The following UTP20 variants were observed in gnomAD, a reference collection of about 807,000 sequenced individuals.
UTP20 encodes small subunit processome component 20 homolog.
A neutral mutation model predicts 329.5 loss-of-function variants in UTP20; 164 were observed. The observed-to-expected ratio is 0.50, with a 90% CI of 0.44 to 0.57. The LOEUF (loss-of-function observed/expected upper bound fraction) is 0.57, where lower values mean the gene tolerates loss of function less well. Ranked by LOEUF, UTP20 falls within the 20% of genes least tolerant of loss-of-function variation. UTP20 has a pLI of 0.00. For synonymous variants in UTP20, 1,151 were observed against 1,159.3 expected (o/e 0.99, Z 0.14); for missense variants, 3,055 against 3,284.2 (o/e 0.93, Z 1.71).
Position 101,384,079 on chromosome 12 carries a change from C to G in UTP20, c.8056+410C>G, listed in dbSNP as rs548044132. Reference sequence around the variant, plus strand: ...CATATTTGTATTATATTTGATTGCCCTCTTCTGTATGCTTTCTGCTGTCCC... The same window carrying G: ...CATATTTGTATTATATTTGATTGCCGTCTTCTGTATGCTTTCTGCTGTCCC... On this transcript the variant is annotated intron_variant, in intron 60 of 61. Coordinates refer to ENST00000261637, the MANE Select transcript of UTP20 (RefSeq NM_014503.3). Among the ~76,000 whole-genome samples the G allele has an allele frequency of 1.2e-4, 19 of 152,148 alleles. No homozygotes were observed. The South Asian group carries it at 3.9e-3, about 32-fold the overall frequency.
chr12:101,340,494 C>A, intron 31 of UTP20, 29 bp from the exon 32 acceptor site: 2 of 1,369,374 alleles, frequency 1.5e-6, no homozygotes, highest in Non-Finnish European at 2.1e-6. Flanking sequence ...TGTATATGTT[C>A]CTTATATATC....
At chr12:101,307,688 C>A (rs770711152) in intron 17 of UTP20, among the ~76,000 whole-genome samples, 1 of 152,140 alleles carries the variant, frequency 6.6e-6, no homozygotes, top group Non-Finnish European at 1.5e-5. Context: ...ATATCTATCT[C>A]ATTCCTTTTG....
intron 29 of UTP20, among the ~76,000 whole-genome samples, chr12:101,335,118 C>G (rs2137271970): frequency 1.3e-5 from 2 of 152,226 alleles, no homozygotes; most frequent in African/African-American, 4.8e-5. Flanking sequence ...GGCCATAGCA[C>G]GTGGAGGTTT....
chr12:101,332,592 G>A (rs918899372), intron 27 of UTP20, among the ~76,000 whole-genome samples: 5 of 152,238 alleles, frequency 3.3e-5, no homozygotes, highest in Middle Eastern at 3.4e-3. Flanking sequence ...TATTTTAAAG[G>A]TTTGCTTTTA....
chr12:101,375,044 AT>A, intron 55 of UTP20, 105 bp downstream of exon 55: 6 of 726,782 alleles, frequency 8.3e-6, no homozygotes, highest in Non-Finnish European at 1.3e-5. Flanking sequence ...ATTTATATTT[AT>A]AGCTATAGCT....
At position 101,371,962 on chromosome 12, in the gene UTP20, G is replaced by T. The variant is rs533338818; in HGVS notation, c.6798+794G>T. Among the ~76,000 whole-genome samples the T allele has an allele frequency of 9.6e-3, 1,459 of 152,288 alleles. 10 individuals are homozygous for T. The highest frequency in any genetic ancestry group is 0.015 in the Non-Finnish European group (1,011 of 68,022). On this transcript the variant is annotated intron_variant, in intron 51 of 61. Coordinates refer to ENST00000261637, the MANE Select transcript of UTP20 (RefSeq NM_014503.3). ...CATACTGTGCCCAAAGAGGTGGAAA[G>T]GTCTAAGTTGGAAATAGGAACTCAG...
At chr12:101,360,784 G>A (rs937374417) in intron 43 of UTP20, among the ~76,000 whole-genome samples, 4 of 152,086 alleles carry the variant, frequency 2.6e-5, no homozygotes, top group Admixed American at 1.3e-4. Context: ...AGCTGAGATC[G>A]CACCACTGCA....
chr12:101,327,118 A>G lies in UTP20; in HGVS notation c.3079A>G (p.Lys1027Glu), dbSNP rs1199092478. 1.9e-6 allele frequency: 3 copies of G among 1,612,070 alleles called. No individual in the cohort carries two copies. Among genetic ancestry groups the G allele is most frequent in the African/African-American group, 2.7e-5 (2 of 74,908 alleles). ...YGRMKNKTGS[K>E]TQGKSASGTR... ...GCGAATGAAGAATAAGACTGGGAGT[A>G]AAACTCAGGGGAAATCTGCTTCAGG... Residue 1027 changes from lysine (K) to glutamate (E), a missense_variant, in exon 26 of 62, where the codon AAA becomes GAA. This residue lies in a region of UTP20 where 2,445 missense variants were observed against 2,575.5 expected (regional missense o/e 0.95). Transcript: ENST00000261637.
rs751800098 is a variant in UTP20 at position 101,329,487 on chromosome 12, G to T, written c.3417+38G>T. The T allele has an allele frequency of 5.1e-6, 8 of 1,570,058 alleles. No individual in the cohort carries two copies. The Admixed American group carries it at 1.4e-4, about 27-fold the overall frequency. ...ATAGATGCTTTCAAGTCAAGTGCTT[G>T]AACTGATATTTCTTGGATTTTAATT... On this transcript the variant is annotated intron_variant, in intron 27 of 61. Coordinates refer to ENST00000261637, the MANE Select transcript of UTP20 (RefSeq NM_014503.3).
Position 101,386,396 on chromosome 12 carries a change from TG to T in UTP20, c.*274del, listed in dbSNP as rs1239447338. 3 of 256,330 alleles carry T rather than the reference TG, an allele frequency of 1.2e-5. No individual in the cohort carries two copies. The highest frequency in any genetic ancestry group is 1.5e-5 in the Non-Finnish European group (2 of 136,708). The allele number at this position is 256,330 out of a possible 1,614,324, so 15.9% of individuals were successfully genotyped here. On this transcript the variant is annotated 3_prime_UTR_variant, in exon 62 of 62. Transcript: ENST00000261637. Reference sequence around the variant, plus strand: ...CAAATTTTTTGTATTTTGTATTTTTTGTAGAAACAGGATTTCGCCATGTTGG... The same window carrying T: ...CAAATTTTTTGTATTTTGTATTTTTTTAGAAACAGGATTTCGCCATGTTGG...
Position 101,280,183 on chromosome 12 carries a change from A to G in UTP20, c.-100A>G, listed in dbSNP as rs1871745170. The G allele has an allele frequency of 7.0e-7, 1 of 1,434,142 alleles. No individual in the cohort carries two copies. Among genetic ancestry groups the G allele is most frequent in the Non-Finnish European group, 9.5e-7 (1 of 1,055,030 alleles). 88.8% of individuals were successfully genotyped at this position (1,434,142 alleles called of 1,614,324 possible). Reference sequence around the variant, plus strand: ...CGTGAGAAAGTCTGGGCATCTGGGAATCGGAGAGTATAGCCTGTGAGCCGC... The same window carrying G: ...CGTGAGAAAGTCTGGGCATCTGGGAGTCGGAGAGTATAGCCTGTGAGCCGC... On this transcript the variant is annotated 5_prime_UTR_variant, in exon 1 of 62. Coordinates refer to ENST00000261637, the MANE Select transcript of UTP20 (RefSeq NM_014503.3).
intron 44 of UTP20, 75 bp from the exon 45 acceptor site, chr12:101,363,500 CT>C: frequency 1.4e-6 from 2 of 1,385,712 alleles, no homozygotes; most frequent in Non-Finnish European, 1.9e-6. Context: ...ATACCAGGGC[CT>C]TTTTTCAGTG....
At position 101,366,598 on chromosome 12, in the gene UTP20, CAG is replaced by C; in HGVS notation, c.6169_6170del (p.Ser2057LeufsTer28). The C allele has an allele frequency of 6.2e-7, 1 of 1,614,152 alleles. No homozygotes were observed. Among genetic ancestry groups the C allele is most frequent in the Non-Finnish European group, 8.5e-7 (1 of 1,180,024 alleles). ...AGCACCAGATCCACGTCTACCACCC[CAG>C]AGCTGCCTTCTGCTTCCCCCAACTC... Reference protein sequence around the residue: ...APAPDPRLPPQSCLLLPPTPV... With the variant: ...APAPDPRLPPXSCLLLPPTPV... On this transcript the variant is annotated frameshift_variant, in exon 47 of 62. Transcript: ENST00000261637. LOFTEE classifies it high-confidence loss of function.
intron 10 of UTP20, among the ~76,000 whole-genome samples, chr12:101,292,906 CTT>C (rs1872212919): frequency 6.6e-6 from 1 of 152,190 alleles, no homozygotes; most frequent in African/African-American, 2.4e-5. Context: ...CAGTAGTACA[CTT>C]TGAGGGAAGA....
rs903331826 is a variant in UTP20 at position 101,329,527 on chromosome 12, G to A, written c.3417+78G>A. On this transcript the variant is annotated intron_variant, in intron 27 of 61. Coordinates refer to ENST00000261637, the MANE Select transcript of UTP20 (RefSeq NM_014503.3). ...GGATTTTAATTCCAAGAGCCTAGAA[G>A]TATAAGGTATCTTCCAACTCTCATT... 27 of 1,395,042 alleles carry A rather than the reference G, an allele frequency of 1.9e-5. 1 individual carries two copies. In the South Asian group the frequency reaches 3.2e-4, roughly 16 times the overall value. The allele number at this position is 1,395,042 out of a possible 1,614,324, so 86.4% of individuals were successfully genotyped here. A position where few individuals can be genotyped will look rare whatever the true frequency, so the allele number is the denominator to read the frequency against.
intron 15 of UTP20, among the ~76,000 whole-genome samples, chr12:101,304,049 G>A (rs1418667691): frequency 1.3e-5 from 2 of 152,214 alleles, no homozygotes; most frequent in African/African-American, 4.8e-5. Flanking sequence ...ACAGAATGGG[G>A]TCCATGTTCC....
Position 101,385,961 on chromosome 12 carries a change from T to C in UTP20, c.8203-7T>C. ...AAGTAATATAAAATTTCTATTCTCT[T>C]TTCCAGTTTGTAACTAATCCTGATA... is the stretch of plus-strand genomic sequence containing the variant. On this transcript the variant is annotated splice_polypyrimidine_tract_variant and splice_region_variant and intron_variant, in intron 61 of 61. Coordinates refer to ENST00000261637, the MANE Select transcript of UTP20 (RefSeq NM_014503.3). 4 of 1,554,672 alleles carry C rather than the reference T, an allele frequency of 2.6e-6. No homozygotes were observed. The highest frequency in any genetic ancestry group is 3.5e-6 in the Non-Finnish European group (4 of 1,147,556).
chr12:101,290,489 A>AG (rs1872105643), intron 7 of UTP20, among the ~76,000 whole-genome samples: 1 of 152,132 alleles, frequency 6.6e-6, no homozygotes, highest in African/African-American at 2.4e-5. Flanking sequence ...TTTGGATGCT[A>AG]GGGGGTAAGA....
chr12:101,318,880 G>T (rs922680731), intron 22 of UTP20, among the ~76,000 whole-genome samples: 5 of 141,190 alleles, frequency 3.5e-5, no homozygotes, highest in African/African-American at 1.3e-4. Context: ...GATGCTGAAA[G>T]ATGAAAGTTT....
Sources: allele counts gnomAD v4.1 joint callset (sites outside exome capture counted in the v4.1 genomes callset), GRCh38; gene constraint gnomAD v4.1.1; regional missense constraint gnomAD v4.1.1; transcripts MANE v1.5; gene names NCBI Gene and HGNC (gene_info 2026-07-23, HGNC 2026-07-21).